The following ERBB4 variants were observed in gnomAD, a reference collection of about 807,000 sequenced individuals.
The protein encoded by ERBB4 is erb-b2 receptor tyrosine kinase 4, also known as receptor tyrosine-protein kinase erbB-4.
Under a neutral mutation model 158.0 loss-of-function variants are expected in ERBB4, and 42 were observed. The ratio of observed to expected loss-of-function variants is 0.27; its 90% CI spans 0.21 to 0.34. ERBB4 has a LOEUF of 0.34. Among genes scored for constraint, ERBB4 ranks in the 10% least tolerant of loss-of-function variants. The pLI is 1.00. For missense variants in ERBB4, 1,333 were observed against 1,624.1 expected (o/e 0.82, Z 3.08); for synonymous variants, 583 against 558.7 (o/e 1.04, Z -0.61).
intron 1 of ERBB4, among the ~76,000 whole-genome samples, chr2:212,204,509 G>A (rs1183674036): frequency 2.6e-5 from 4 of 151,896 alleles, no homozygotes; most frequent in South Asian, 2.1e-4. Context: ...ACAAGCCTGG[G>A]CAACATGGTG....
intron 14 of ERBB4, among the ~76,000 whole-genome samples, chr2:211,668,875 T>C (rs2071725853): frequency 6.6e-6 from 1 of 152,032 alleles, no homozygotes; most frequent in Admixed American, 6.5e-5. Flanking sequence ...CCCTGAATGG[T>C]AGACCATAAC....
chr2:211,547,792 T>G (rs955623976), intron 20 of ERBB4, among the ~76,000 whole-genome samples: 3 of 152,046 alleles, frequency 2.0e-5, no homozygotes, highest in African/African-American at 7.2e-5. Flanking sequence ...AAGTACTAGC[T>G]GAAGCATAAA....
intron 20 of ERBB4, among the ~76,000 whole-genome samples, chr2:211,514,637 T>C (rs547678011): frequency 1.6e-4 from 25 of 152,178 alleles, no homozygotes; most frequent in African/African-American, 6.0e-4. Flanking sequence ...GGTGCAAAAA[T>C]ATATATTATT....
intron 1 of ERBB4, among the ~76,000 whole-genome samples, chr2:212,403,672 A>G: frequency 6.6e-6 from 1 of 152,082 alleles, no homozygotes; most frequent in East Asian, 1.9e-4. Flanking sequence ...ATGAGATACT[A>G]AAGTAATGAA....
At chr2:212,358,023 A>G (rs1157684826) in intron 1 of ERBB4, among the ~76,000 whole-genome samples, 2 of 151,896 alleles carry the variant, frequency 1.3e-5, no homozygotes, top group Admixed American at 6.6e-5. Flanking sequence ...TGCTTTTCAG[A>G]GCATTTCTAA....
At chr2:211,735,234 T>A (rs1489051744) in intron 5 of ERBB4, among the ~76,000 whole-genome samples, 2 of 148,080 alleles carry the variant, frequency 1.4e-5, no homozygotes, top group East Asian at 3.9e-4. Context: ...AAAAAAAAAC[T>A]ATACTAAAAT....
rs13413434 is a variant in ERBB4, at chr2:211,853,112, T to C, written c.422-64953A>G. On this transcript the variant is annotated intron_variant, in intron 3 of 27. Transcript: ENST00000342788. ...TTGCTTCTGAAGGGGGCATAAAGAA[T>C]AATATTAAGTAGAACAGTCTCTGAG... 3.5e-3 allele frequency among the ~76,000 whole-genome samples: 525 copies of C among 152,114 alleles called. 2 individuals are homozygous for C. The highest frequency in any genetic ancestry group is 0.012 in the African/African-American group (511 of 41,528).
At chr2:211,508,955 C>CA (rs1399527325) in intron 20 of ERBB4, among the ~76,000 whole-genome samples, 8 of 150,500 alleles carry the variant, frequency 5.3e-5, no homozygotes, top group South Asian at 2.1e-4. Context: ...AAAAACAAAA[C>CA]AAAAAAAAGA....
At chr2:211,879,898 G>T (rs2078615332) in intron 3 of ERBB4, among the ~76,000 whole-genome samples, 1 of 151,526 alleles carries the variant, frequency 6.6e-6, no homozygotes. Context: ...AACAAAACAT[G>T]CACTGTTTTG....
intron 1 of ERBB4, among the ~76,000 whole-genome samples, chr2:212,192,004 TA>T (rs2082267136): frequency 2.5e-5 from 2 of 80,380 alleles, no homozygotes; most frequent in South Asian, 3.3e-4. Flanking sequence ...ATATGTTATA[TA>T]TAATATATGT....
At chr2:212,100,782 A>G (rs931682819) in intron 2 of ERBB4, among the ~76,000 whole-genome samples, 21 of 152,166 alleles carry the variant, frequency 1.4e-4, no homozygotes, top group African/African-American at 4.6e-4. Flanking sequence ...GGTTTTAAAG[A>G]AAAGGTAAGT....
At chr2:211,908,506 T>C (rs1387370869) in intron 3 of ERBB4, among the ~76,000 whole-genome samples, 1 of 151,750 alleles carries the variant, frequency 6.6e-6, no homozygotes, top group Non-Finnish European at 1.5e-5. Context: ...AAATCGTATA[T>C]AATTAAATAA....
At chr2:212,264,967 G>T (rs1036049323) in intron 1 of ERBB4, among the ~76,000 whole-genome samples, 1 of 152,088 alleles carries the variant, frequency 6.6e-6, no homozygotes, top group South Asian at 2.1e-4. Context: ...AATTAGACTA[G>T]TTGGCTGCCT....
intron 25 of ERBB4, among the ~76,000 whole-genome samples, chr2:211,413,726 T>A (rs2063319656): frequency 6.8e-6 from 1 of 147,562 alleles, no homozygotes; most frequent in African/African-American, 2.7e-5. Context: ...CGATGCAGGA[T>A]TTTTTTTGCT....
At chr2:212,304,713 G>T (rs188505293) in intron 1 of ERBB4, among the ~76,000 whole-genome samples, 3 of 151,508 alleles carry the variant, frequency 2.0e-5, no homozygotes, top group African/African-American at 7.2e-5. Context: ...ACCCTGTAAG[G>T]TTTCCATATT....
At chr2:211,904,144 G>A (rs2079312664) in intron 3 of ERBB4, among the ~76,000 whole-genome samples, 1 of 152,064 alleles carries the variant, frequency 6.6e-6, no homozygotes, top group African/African-American at 2.4e-5. Flanking sequence ...GTGGGTTTTA[G>A]CTGGATTCAG....
At chr2:211,773,880 G>A (rs553125442) in intron 4 of ERBB4, among the ~76,000 whole-genome samples, 1 of 151,342 alleles carries the variant, frequency 6.6e-6, no homozygotes, top group Non-Finnish European at 1.5e-5. Context: ...TTCAATAGTG[G>A]CAACACAATA....
intron 20 of ERBB4, among the ~76,000 whole-genome samples, chr2:211,530,847 C>T (rs2066479822): frequency 6.6e-6 from 1 of 152,130 alleles, no homozygotes; most frequent in Admixed American, 6.5e-5. Flanking sequence ...CACGATCATG[C>T]CACTGTACTC....
At position 212,233,653 on chromosome 2, in the gene ERBB4, G is replaced by A. The variant is rs1166730493; in HGVS notation, c.83-108750C>T. ...TCTGTTGACTTCTTTTTAAAATTTTGTTAGAAAGTAATTCACATAAGAGAA... is the reference window on the plus strand; with the variant it reads ...TCTGTTGACTTCTTTTTAAAATTTTATTAGAAAGTAATTCACATAAGAGAA... On this transcript the variant is annotated intron_variant, in intron 1 of 27. Transcript: ENST00000342788. Among the ~76,000 whole-genome samples the A allele has an allele frequency of 2.0e-5, 3 of 151,924 alleles. No individual in the cohort carries two copies. The East Asian group carries it at 5.8e-4, about 29-fold the overall frequency.
Sources: allele counts gnomAD v4.1 joint callset (sites outside exome capture counted in the v4.1 genomes callset), GRCh38; gene constraint gnomAD v4.1.1; transcripts MANE v1.5; gene names NCBI Gene and HGNC (gene_info 2026-07-23, HGNC 2026-07-21).